CATSPERT: variants seen among roughly 807,000 people sequenced by gnomAD.
CATSPERT encodes the protein cation channel sperm-associated targeting subunit tau.
At chr2:201,583,739 T>A in the CATSPERT span, among the ~76,000 whole-genome samples, 1 of 151,738 alleles carries the variant, frequency 6.6e-6, no homozygotes, top group South Asian at 2.1e-4. Context: ...CAGTTAACAG[T>A]CAAAAATAAC....
chr2:201,539,572 T>TG, the CATSPERT span, among the ~76,000 whole-genome samples: 2 of 133,482 alleles, frequency 1.5e-5, no homozygotes, highest in East Asian at 2.3e-4. Context: ...TTTTTTTTTG[T>TG]TTTTGGTTTT....
the CATSPERT span, among the ~76,000 whole-genome samples, chr2:201,573,060 C>A: frequency 6.6e-6 from 1 of 152,120 alleles, no homozygotes; most frequent in Non-Finnish European, 1.5e-5. Flanking sequence ...TTTTGAATAC[C>A]ACAAAACTGG....
the CATSPERT span, among the ~76,000 whole-genome samples, chr2:201,498,578 A>C: frequency 6.6e-6 from 1 of 152,124 alleles, no homozygotes; most frequent in Non-Finnish European, 1.5e-5. Context: ...ACACCCTCAC[A>C]GACACACCCA....
chr2:201,498,364 AT>A, the CATSPERT span, among the ~76,000 whole-genome samples: 429 of 152,236 alleles, frequency 2.8e-3, 2 homozygotes, highest in African/African-American at 9.5e-3. Context: ...CTGGAGTCTG[AT>A]GTCCCAGGGC....
chr2:201,579,853 CT>C, the CATSPERT span, among the ~76,000 whole-genome samples: 1,174 of 134,242 alleles, frequency 8.7e-3, 8 homozygotes, highest in African/African-American at 0.022. Context: ...CTTTCTTTTT[CT>C]TTTTTTTTTT....
chr2:201,613,963 T>C, the CATSPERT span, among the ~76,000 whole-genome samples: 1 of 152,098 alleles, frequency 6.6e-6, no homozygotes, highest in Non-Finnish European at 1.5e-5. Flanking sequence ...GTATCAGTGA[T>C]TGAAGATCAA....
chr2:201,604,159 G>A, the CATSPERT span, among the ~76,000 whole-genome samples: 3 of 151,800 alleles, frequency 2.0e-5, no homozygotes, highest in Non-Finnish European at 4.4e-5. Flanking sequence ...GTGTGTGTGT[G>A]TGTGTGTGTG....
chr2:201,510,135 T>TACC, the CATSPERT span, among the ~76,000 whole-genome samples: 1 of 150,572 alleles, frequency 6.6e-6, no homozygotes, highest in Non-Finnish European at 1.5e-5. Flanking sequence ...GGTAGGAAAT[T>TACC]ACCACTGCTA....
At chr2:201,618,985 GAA>G in the CATSPERT span, 1 of 1,614,072 alleles carries the variant, frequency 6.2e-7, no homozygotes, top group Non-Finnish European at 8.5e-7. Context: ...AGGGACCGAA[GAA>G]GCCTCCGACC....
At chr2:201,594,767 G>A in the CATSPERT span, among the ~76,000 whole-genome samples, 5 of 151,772 alleles carry the variant, frequency 3.3e-5, no homozygotes, top group African/African-American at 4.8e-5. Flanking sequence ...CTAGTTGATC[G>A]CATCGGCTCC....
chr2:201,523,934 A>G, the CATSPERT span, among the ~76,000 whole-genome samples: 1 of 152,226 alleles, frequency 6.6e-6, no homozygotes, highest in East Asian at 1.9e-4. Flanking sequence ...TAATTTAGTG[A>G]GAAAAAATTT....
At chr2:201,584,656 G>A in the CATSPERT span, among the ~76,000 whole-genome samples, 15 of 151,870 alleles carry the variant, frequency 9.9e-5, no homozygotes, top group Non-Finnish European at 1.3e-4. Flanking sequence ...GGTGTCGCAC[G>A]CCTGTAATCC....
chr2:201,493,901 G>A, the CATSPERT span: 5 of 1,537,016 alleles, frequency 3.3e-6, no homozygotes, highest in Non-Finnish European at 4.4e-6. Flanking sequence ...TCTACCTCTG[G>A]AGATTGTCCT....
At chr2:201,563,338 C>G in the CATSPERT span, among the ~76,000 whole-genome samples, 1 of 140,260 alleles carries the variant, frequency 7.1e-6, no homozygotes, top group South Asian at 2.2e-4. Flanking sequence ...CACCTCCCTC[C>G]CGGACTGGGC....
the CATSPERT span, chr2:201,491,031 G>A: frequency 1.4e-5 from 11 of 760,294 alleles, no homozygotes; most frequent in Non-Finnish European, 2.2e-5. Context: ...TCTTTCAGAG[G>A]AATTTTTAAA....
the CATSPERT span, among the ~76,000 whole-genome samples, chr2:201,617,866 AAAAC>A: frequency 1.3e-5 from 2 of 152,344 alleles, no homozygotes; most frequent in Admixed American, 1.3e-4. Context: ...TTACAAGAAA[AAAAC>A]AAACAACCCC....
At chr2:201,615,470 G>A in the CATSPERT span, among the ~76,000 whole-genome samples, 9 of 152,086 alleles carry the variant, frequency 5.9e-5, no homozygotes, top group South Asian at 2.1e-4. Context: ...GGTACATAAC[G>A]AAATGAAGGC....
chr2:201,519,698 A>G, the CATSPERT span, among the ~76,000 whole-genome samples: 1 of 152,150 alleles, frequency 6.6e-6, no homozygotes, highest in Non-Finnish European at 1.5e-5. Flanking sequence ...ATGAGGAATT[A>G]AATGAATGAA....
At chr2:201,617,867 A>G in the CATSPERT span, among the ~76,000 whole-genome samples, 2 of 152,226 alleles carry the variant, frequency 1.3e-5, no homozygotes, top group African/African-American at 4.8e-5. Context: ...TACAAGAAAA[A>G]AACAAACAAC....
Sources: gnomAD v4.1 joint callset for allele counts (sites outside exome capture counted in the v4.1 genomes callset) on GRCh38, gnomAD v4.1.1 for gene constraint, MANE v1.5 for transcripts, NCBI Gene and HGNC (gene_info 2026-07-23, HGNC 2026-07-21) for gene names.